IFT80: variants seen among roughly 807,000 people sequenced by gnomAD.
IFT80 encodes intraflagellar transport protein 80 homolog.
Under a neutral mutation model 107.9 loss-of-function variants are expected in IFT80, and 79 were observed. That is an observed-to-expected ratio of 0.73 (90% CI 0.61 to 0.88). The LOEUF is 0.88. Among genes scored for constraint, IFT80 ranks in the 40% least tolerant of loss-of-function variants. The pLI is 0.00. For synonymous variants in IFT80, 299 were observed against 300.9 expected (o/e 0.99, Z 0.07); for missense variants, 797 against 914.2 (o/e 0.87, Z 1.65).
intron 18 of IFT80, among the ~76,000 whole-genome samples, chr3:160,274,073 G>C (rs2108219912): frequency 1.3e-5 from 2 of 152,228 alleles, no homozygotes; most frequent in East Asian, 3.9e-4. Flanking sequence ...GGGCATGCGG[G>C]GAACAGGATA....
At chr3:160,341,198 A>T (rs1251004273) in intron 8 of IFT80, among the ~76,000 whole-genome samples, 4 of 151,928 alleles carry the variant, frequency 2.6e-5, no homozygotes, top group Non-Finnish European at 5.9e-5. Context: ...TTTTGTAGAG[A>T]TGGGGGTCTC....
chr3:160,266,467 A>T (rs1468938690), intron 19 of IFT80, among the ~76,000 whole-genome samples: 1 of 150,884 alleles, frequency 6.6e-6, no homozygotes, highest in Non-Finnish European at 1.5e-5. Flanking sequence ...AACTCACTTC[A>T]GCCTTGACCT....
In IFT80 at chr3:160,384,573, C is replaced by A. The variant is rs754091712; in HGVS notation, c.28G>T (p.Glu10Ter). The A allele has an allele frequency of 1.3e-6, 2 of 1,508,782 alleles. No individual in the cohort carries two copies. Among genetic ancestry groups the A allele is most frequent in the Admixed American group, 1.7e-5 (1 of 59,494 alleles). 93.5% of individuals were successfully genotyped at this position (1,508,782 alleles called of 1,614,324 possible). Residue 10 changes from glutamate (E) to a stop codon, truncating the protein, a stop_gained, in exon 2 of 20, where the codon GAA becomes TAA. Transcript: ENST00000326448. LOFTEE classifies it high-confidence loss of function. MRLKISLLK[E>*]PKHQELVSCV... The stretch of plus-strand genomic sequence containing the variant: ...AGCATTAAAAGGATATGCTTTGGTT[C>A]TTTTAAAAGAGATATCTTTAGTCTC...
rs141777931 is a variant in IFT80, at chr3:160,370,084, A to G, written c.440-3932T>C. On this transcript the variant is annotated intron_variant, in intron 5 of 19. Coordinates refer to ENST00000326448, the MANE Select transcript of IFT80 (RefSeq NM_020800.3). ...AAATGTATTTCAATTGTTTTAAGGA[A>G]GTACATGGTCAAATATACCATGTTT... Among the ~76,000 whole-genome samples, 14 of 152,294 alleles carry G rather than the reference A, an allele frequency of 9.2e-5. No individual in the cohort carries two copies. The East Asian group carries it at 1.7e-3, about 19-fold the overall frequency.
At chr3:160,267,259 A>G (rs537766323) in intron 19 of IFT80, among the ~76,000 whole-genome samples, 31 of 152,314 alleles carry the variant, frequency 2.0e-4, no homozygotes, top group Non-Finnish European at 3.8e-4. Flanking sequence ...TGGCTTTAAT[A>G]GAAATTGTGG....
intron 8 of IFT80, among the ~76,000 whole-genome samples, chr3:160,345,097 C>A (rs1720191024): frequency 6.6e-6 from 1 of 152,098 alleles, no homozygotes; most frequent in African/African-American, 2.4e-5. Context: ...TAGGTATACA[C>A]CTAAAAGAAA....
At chr3:160,345,354 G>A (rs1217534847) in intron 8 of IFT80, among the ~76,000 whole-genome samples, 1 of 152,162 alleles carries the variant, frequency 6.6e-6, no homozygotes, top group African/African-American at 2.4e-5. Context: ...AATATTGCAT[G>A]TTCTCACTTA....
chr3:160,358,492 T>C (rs1159321814), intron 6 of IFT80, among the ~76,000 whole-genome samples: 1 of 152,218 alleles, frequency 6.6e-6, no homozygotes, highest in African/African-American at 2.4e-5. Flanking sequence ...ATGTTTTCCA[T>C]AGATAAGTAT....
At chr3:160,282,379 C>A in intron 14 of IFT80, 99 bp downstream of exon 14, 1 of 886,782 alleles carries the variant, frequency 1.1e-6, no homozygotes, top group South Asian at 1.7e-5. Context: ...ATTACAAGAT[C>A]AAAACATTAA....
At chr3:160,302,322 AG>A (rs1716490379) in intron 11 of IFT80, among the ~76,000 whole-genome samples, 1 of 152,066 alleles carries the variant, frequency 6.6e-6, no homozygotes, top group Non-Finnish European at 1.5e-5. Flanking sequence ...GAGGGTTGGT[AG>A]GTAGTTTATT....
Position 160,258,679 on chromosome 3 carries a change from A to C in IFT80, c.2224-44T>G, listed in dbSNP as rs145534989. On this transcript the variant is annotated intron_variant, in intron 19 of 19. Transcript: ENST00000326448. ...AGAAGAAATATGCTTAGATAGTGTA[A>C]GACATTTTTGTTTACTCCAAAGTAA... 2,055 of 1,600,102 alleles carry C rather than the reference A, an allele frequency of 1.3e-3. 23 individuals are homozygous for C. The African/African-American group carries it at 0.025, about 19-fold the overall frequency.
chr3:160,345,401 G>A (rs1285870160), intron 8 of IFT80, among the ~76,000 whole-genome samples: 1 of 152,054 alleles, frequency 6.6e-6, no homozygotes, highest in Non-Finnish European at 1.5e-5. Context: ...TTGAACTCAT[G>A]GAGATAGAGA....
intron 18 of IFT80, among the ~76,000 whole-genome samples, chr3:160,276,662 C>T (rs1043044139): frequency 2.0e-5 from 3 of 152,150 alleles, no homozygotes; most frequent in Non-Finnish European, 4.4e-5. Flanking sequence ...GCAATCTGTC[C>T]GAGAGCCTAA....
chr3:160,295,598 C>T (rs1366491440), intron 12 of IFT80, among the ~76,000 whole-genome samples: 1 of 142,668 alleles, frequency 7.0e-6, no homozygotes, highest in Non-Finnish European at 1.5e-5. Flanking sequence ...GACCCCATCT[C>T]AAAAAAAAAA....
rs138404029 is a variant in IFT80, at chr3:160,356,208, A to G, written c.640-58T>C. ...TATCAGGGAGAAGTTTGCAAAAACTAAAAGAAAAATAAATAAATAAAATAA... is the reference window on the plus strand; with the variant it reads ...TATCAGGGAGAAGTTTGCAAAAACTGAAAGAAAAATAAATAAATAAAATAA... On this transcript the variant is annotated intron_variant, in intron 7 of 19. Transcript: ENST00000326448. The G allele has an allele frequency of 4.5e-4, 614 of 1,375,764 alleles. 4 individuals are homozygous for G. In the African/African-American group the frequency reaches 7.9e-3, roughly 18 times the overall value. The allele number at this position is 1,375,764 out of a possible 1,614,324, so 85.2% of individuals were successfully genotyped here.
At chr3:160,326,007 A>G (rs1396637048) in intron 8 of IFT80, among the ~76,000 whole-genome samples, 1 of 152,058 alleles carries the variant, frequency 6.6e-6, no homozygotes, top group Non-Finnish European at 1.5e-5. Context: ...CAACTTAAAA[A>G]TTATTTTAAA....
intron 8 of IFT80, among the ~76,000 whole-genome samples, chr3:160,328,485 G>T (rs1445188340): frequency 6.9e-6 from 1 of 145,972 alleles, no homozygotes; most frequent in Admixed American, 6.8e-5. Flanking sequence ...AAAAAAAAAG[G>T]TCAAAAAATA....
At chr3:160,317,258 T>C (rs772014128) in intron 9 of IFT80, among the ~76,000 whole-genome samples, 140 of 152,234 alleles carry the variant, frequency 9.2e-4, no homozygotes, top group Middle Eastern at 6.8e-3. Context: ...TGCAGTCAAA[T>C]GTTTTATAAT....
At chr3:160,290,566 T>A (rs1715476846) in intron 12 of IFT80, among the ~76,000 whole-genome samples, 1 of 151,810 alleles carries the variant, frequency 6.6e-6, no homozygotes, top group Admixed American at 6.6e-5. Context: ...GTGTTTTTTG[T>A]TTGTTTGTTT....
Sources: gnomAD v4.1 joint callset for allele counts (sites outside exome capture counted in the v4.1 genomes callset) on GRCh38, gnomAD v4.1.1 for gene constraint, MANE v1.5 for transcripts, NCBI Gene and HGNC (gene_info 2026-07-23, HGNC 2026-07-21) for gene names.